Variants in STAG1 observed in about 807,000 individuals in gnomAD.
STAG1 encodes the protein STAG1 cohesin complex component.
In STAG1, 26 loss-of-function variants were observed where a neutral mutation model predicts 170.9. The observed-to-expected ratio is 0.15, with a 90% CI of 0.11 to 0.21. The LOEUF (loss-of-function observed/expected upper bound fraction) is 0.21, where lower values mean the gene tolerates loss of function less well. Ranked by LOEUF, STAG1 falls within the 10% of genes least tolerant of loss-of-function variation. STAG1 has a pLI of 1.00. For synonymous variants in STAG1, 514 were observed against 497.7 expected, an observed-to-expected ratio of 1.03 and a Z score of -0.44; for missense variants, 964 against 1,509.5, an observed-to-expected ratio of 0.64 and a Z score of 5.99.
At chr3:136,704,471 A>G (rs1943169605) in intron 1 of STAG1, among the ~76,000 whole-genome samples, 1 of 152,202 alleles carries the variant, frequency 6.6e-6, no homozygotes, top group African/African-American at 2.4e-5. Flanking sequence ...AGTAACCAAA[A>G]GAGAGGAAGG....
rs1267222489 is a variant in STAG1, at chr3:136,600,131, A to C, written c.297+4178T>G. On this transcript the variant is annotated intron_variant, in intron 4 of 33. Transcript: ENST00000383202. ...TTTGATTTCCTGTAAGTGATGTTTT[A>C]ATAAAAATAGCCATGCAAACTACTA... Among the ~76,000 whole-genome samples the C allele has an allele frequency of 1.4e-4, 22 of 152,182 alleles. 1 individual carries two copies. Among genetic ancestry groups the C allele is most frequent in the Admixed American group, 1.4e-3 (22 of 15,280 alleles).
intron 5 of STAG1, among the ~76,000 whole-genome samples, chr3:136,548,755 G>A (rs1936263949): frequency 6.6e-6 from 1 of 152,084 alleles, no homozygotes; most frequent in Non-Finnish European, 1.5e-5. Flanking sequence ...TTGGGTCTGT[G>A]TCCCCACTCA....
intron 1 of STAG1, among the ~76,000 whole-genome samples, chr3:136,686,353 T>G (rs945294654): frequency 1.5e-4 from 23 of 152,244 alleles, no homozygotes; most frequent in African/African-American, 4.8e-4. Flanking sequence ...GTATCCTTGT[T>G]GTCTCTGGTC....
At chr3:136,520,855 T>C (rs764870429) in intron 7 of STAG1, among the ~76,000 whole-genome samples, 2 of 152,104 alleles carry the variant, frequency 1.3e-5, no homozygotes, top group Non-Finnish European at 2.9e-5. Context: ...AATAAAACAA[T>C]GTAATTATGC....
chr3:136,568,755 C>T lies in STAG1; in HGVS notation c.394+10G>A, dbSNP rs1244794317. ...GCTCAATGTACATCATTTATTTCAA[C>T]ATTCTGTACCTCGACATCCTGAACA... is the stretch of plus-strand genomic sequence containing the variant. On this transcript the variant is annotated intron_variant, in intron 5 of 33. Coordinates refer to ENST00000383202, the MANE Select transcript of STAG1 (RefSeq NM_005862.3). 1 of 1,598,024 alleles carries T rather than the reference C, an allele frequency of 6.3e-7. No homozygotes were observed. The highest frequency in any genetic ancestry group is 8.6e-7 in the Non-Finnish European group (1 of 1,167,262).
intron 1 of STAG1, among the ~76,000 whole-genome samples, chr3:136,649,761 A>C (rs1348870450): frequency 1.3e-5 from 2 of 151,572 alleles, no homozygotes; most frequent in Non-Finnish European, 2.9e-5. Context: ...GTAGCAAAAA[A>C]AAAAAAGATT....
intron 16 of STAG1, among the ~76,000 whole-genome samples, chr3:136,428,636 C>G (rs561752425): frequency 4.6e-5 from 7 of 152,250 alleles, no homozygotes; most frequent in African/African-American, 1.4e-4. Context: ...AAGAATTACA[C>G]CACTGAAAAT....
intron 26 of STAG1, among the ~76,000 whole-genome samples, chr3:136,360,776 C>T (rs1211278741): frequency 1.3e-5 from 2 of 152,052 alleles, no homozygotes; most frequent in African/African-American, 4.8e-5. Context: ...TCATGTCATT[C>T]TCCTGCCTCA....
intron 12 of STAG1, among the ~76,000 whole-genome samples, chr3:136,465,865 T>A (rs577722931): frequency 6.6e-6 from 1 of 152,058 alleles, no homozygotes; most frequent in Non-Finnish European, 1.5e-5. Flanking sequence ...TTAAACCCTA[T>A]AAGACCTAAT....
chr3:136,510,677 T>A (rs1013931622), intron 7 of STAG1, among the ~76,000 whole-genome samples: 2 of 151,496 alleles, frequency 1.3e-5, no homozygotes, highest in Non-Finnish European at 2.9e-5. Flanking sequence ...AGTGGTGCGA[T>A]CTCAGCTCAC....
intron 14 of STAG1, among the ~76,000 whole-genome samples, chr3:136,444,556 C>T (rs991146683): frequency 3.9e-5 from 6 of 152,180 alleles, no homozygotes; most frequent in Admixed American, 2.6e-4. Context: ...CTACAGACTG[C>T]AATCCATTCT....
chr3:136,730,615 T>C (rs1489269438), intron 1 of STAG1, among the ~76,000 whole-genome samples: 1 of 152,194 alleles, frequency 6.6e-6, no homozygotes, highest in Non-Finnish European at 1.5e-5. Flanking sequence ...AGTTCACAAC[T>C]CTCACTGTGC....
At chr3:136,478,070 G>A (rs1332900252) in intron 9 of STAG1, among the ~76,000 whole-genome samples, 1 of 152,132 alleles carries the variant, frequency 6.6e-6, no homozygotes, top group African/African-American at 2.4e-5. Context: ...GATTACACGC[G>A]TGAGCCACTG....
intron 1 of STAG1, among the ~76,000 whole-genome samples, chr3:136,712,615 G>C (rs1943415231): frequency 6.6e-6 from 1 of 152,110 alleles, no homozygotes. Flanking sequence ...TTAAAAGATT[G>C]GCAATAATGT....
At chr3:136,617,725 G>T (rs1265937036) in intron 3 of STAG1, among the ~76,000 whole-genome samples, 1 of 152,138 alleles carries the variant, frequency 6.6e-6, no homozygotes. Flanking sequence ...GCAGACATCT[G>T]CCACCACATT....
intron 5 of STAG1, among the ~76,000 whole-genome samples, chr3:136,567,254 T>C (rs149497536): frequency 6.6e-6 from 1 of 152,356 alleles, no homozygotes; most frequent in African/African-American, 2.4e-5. Flanking sequence ...AAAATTTATA[T>C]AAAGCACATC....
chr3:136,399,789 G>A (rs750522421), intron 21 of STAG1, among the ~76,000 whole-genome samples: 7 of 152,026 alleles, frequency 4.6e-5, no homozygotes, highest in Non-Finnish European at 1.0e-4. Flanking sequence ...GTCCCAAAGA[G>A]TTTTTCCTTA....
chr3:136,349,769 A>G (rs1936365419), intron 28 of STAG1, among the ~76,000 whole-genome samples: 1 of 152,256 alleles, frequency 6.6e-6, no homozygotes. Flanking sequence ...CCAGCAAAAC[A>G]ACATTTTAAC....
intron 4 of STAG1, among the ~76,000 whole-genome samples, chr3:136,600,178 C>A (rs1938602912): frequency 6.6e-6 from 1 of 152,166 alleles, no homozygotes; most frequent in Admixed American, 6.5e-5. Flanking sequence ...ATTAAAGGAG[C>A]CTCTATTAAT....
Sources: allele counts gnomAD v4.1 joint callset (sites outside exome capture counted in the v4.1 genomes callset), GRCh38; gene constraint gnomAD v4.1.1; transcripts MANE v1.5; gene names NCBI Gene and HGNC (gene_info 2026-07-23, HGNC 2026-07-21).